ELL2: variants seen among roughly 807,000 people sequenced by gnomAD.
The protein encoded by ELL2 is elongation factor for RNA polymerase II 2.
A neutral mutation model predicts 72.8 loss-of-function variants in ELL2; 21 were observed. The ratio of observed to expected loss-of-function variants is 0.29; its 90% CI spans 0.20 to 0.42. The LOEUF (loss-of-function observed/expected upper bound fraction) is 0.42, where lower values mean the gene tolerates loss of function less well. ELL2 is among the 10% of genes least tolerant of loss of function. The probability of loss-of-function intolerance (pLI) is 1.00; values close to 1 mark genes in which losing one functional copy is unlikely to be tolerated. For missense variants in ELL2, 568 were observed against 772.8 expected (o/e 0.73, Z 3.14); for synonymous variants, 266 against 283.2 (o/e 0.94, Z 0.61).
At chr5:95,956,761 G>C (rs1751642316) in intron 1 of ELL2, among the ~76,000 whole-genome samples, 1 of 152,028 alleles carries the variant, frequency 6.6e-6, no homozygotes, top group East Asian at 1.9e-4. Flanking sequence ...TTTAACAAAA[G>C]GTCAAGTAAC....
intron 1 of ELL2, among the ~76,000 whole-genome samples, chr5:95,948,346 C>T (rs1455095959): frequency 7.0e-6 from 1 of 142,492 alleles, no homozygotes; most frequent in Non-Finnish European, 1.5e-5. Context: ...AGGAGAATGG[C>T]GTGAACCCGG....
rs3777204 is a variant in ELL2 at position 95,898,646 on chromosome 5, A to G, written c.1119T>C (p.Pro373=). The G allele has an allele frequency of 0.3, 488,567 of 1,610,914 alleles. 79,040 individuals are homozygous for G. The highest frequency in any genetic ancestry group is 0.58 in the African/African-American group (43,645 of 74,736). The change falls in exon 8 of 12, where the codon CCT becomes CCC. Residue 373 remains proline, a synonymous_variant. Coordinates refer to ENST00000237853, the MANE Select transcript of ELL2 (RefSeq NM_012081.6). ...LPLPPAAAAI[P]TPPPLPSTYL... ...AGGTTGAAGGCAGCGGTGGAGGGGT[A>G]GGGATGGCAGCAGCCGCAGGGGGCA...
Position 95,889,073 on chromosome 5 carries a change from T to A in ELL2, c.1806+13A>T. The A allele has an allele frequency of 6.2e-7, 1 of 1,608,864 alleles. No individual in the cohort carries two copies. Among genetic ancestry groups the A allele is most frequent in the Non-Finnish European group, 8.5e-7 (1 of 1,177,894 alleles). On this transcript the variant is annotated intron_variant, in intron 11 of 11. Coordinates refer to ENST00000237853, the MANE Select transcript of ELL2 (RefSeq NM_012081.6). ...CAACCACAGGTCAGAAAATCAACAG[T>A]GATGATACCTACCTGCTTTATCTTC...
At chr5:95,896,643 C>T (rs1748888658) in intron 8 of ELL2, among the ~76,000 whole-genome samples, 1 of 152,150 alleles carries the variant, frequency 6.6e-6, no homozygotes, top group Admixed American at 6.5e-5. Context: ...AAGAGAAAGG[C>T]ATCAAGTGCA....
intron 2 of ELL2, among the ~76,000 whole-genome samples, chr5:95,934,164 A>G (rs960946018): frequency 6.6e-6 from 1 of 152,238 alleles, no homozygotes; most frequent in Non-Finnish European, 1.5e-5. Context: ...TGATTAGTAG[A>G]GTATTACTAC....
intron 7 of ELL2, among the ~76,000 whole-genome samples, chr5:95,900,044 G>C (rs1057963): frequency 0.34 from 51,618 of 151,758 alleles, 9,802 homozygotes; most frequent in African/African-American, 0.52. Context: ...GTGGGGAGGT[G>C]CGTCCCACTG....
chr5:95,889,233 G>T, intron 10 of ELL2, 103 bp from the exon 11 acceptor site: 1 of 921,122 alleles, frequency 1.1e-6, no homozygotes, highest in Non-Finnish European at 1.6e-6. Flanking sequence ...AATATTGACT[G>T]TGGGAATGTA....
At position 95,886,550 on chromosome 5, in the gene ELL2, T is replaced by C. The variant is rs920446947; in HGVS notation, c.*2321A>G. ...GCTAACCATTCACCAACTGGAAGGCTTGTTTGTAAACAGGTTCTGAAACAA... is the reference window on the plus strand; with the variant it reads ...GCTAACCATTCACCAACTGGAAGGCCTGTTTGTAAACAGGTTCTGAAACAA... On this transcript the variant is annotated 3_prime_UTR_variant, in exon 12 of 12. Coordinates refer to ENST00000237853, the MANE Select transcript of ELL2 (RefSeq NM_012081.6). 7.2e-5 allele frequency: 11 copies of C among 152,100 alleles called. No homozygotes were observed. The highest frequency in any genetic ancestry group is 2.7e-4 in the African/African-American group (11 of 41,410). 9.4% of individuals were successfully genotyped at this position (152,100 alleles called of 1,614,324 possible). A position where few individuals can be genotyped will look rare whatever the true frequency, so the allele number is the denominator to read the frequency against.
chr5:95,888,777 CAA>C lies in ELL2; in HGVS notation c.*92_*93del. The C allele has an allele frequency of 1.1e-6, 1 of 869,878 alleles. No individual in the cohort carries two copies. The highest frequency in any genetic ancestry group is 2.8e-5 in the East Asian group (1 of 35,630). The allele number at this position is 869,878 out of a possible 1,614,324, so 53.9% of individuals were successfully genotyped here. ...TACTAATACTGAAACTTTCAACAGC[CAA>C]AGTTTCACCTTTTTAGAATCTAGAG... On this transcript the variant is annotated 3_prime_UTR_variant, in exon 12 of 12. Transcript: ENST00000237853.
chr5:95,890,865 T>C (rs1052247138), intron 10 of ELL2: 5 of 512,474 alleles, frequency 9.8e-6, no homozygotes, highest in Middle Eastern at 1.1e-3. Context: ...GGTATTTTTC[T>C]CAATATGTGA....
At position 95,885,596 on chromosome 5, in the gene ELL2, T is replaced by C. The variant is rs935981394; in HGVS notation, c.*3275A>G. On this transcript the variant is annotated 3_prime_UTR_variant, in exon 12 of 12. Transcript: ENST00000237853. ...GCAAAGAATGCACTAATGAAAAGGG[T>C]AAGGCATCCAAGCAGAGTGTCTGAA... 6.6e-6 allele frequency: 1 copy of C among 152,174 alleles called. No homozygotes were observed. Among genetic ancestry groups the C allele is most frequent in the Admixed American group, 6.5e-5 (1 of 15,288 alleles). The allele number at this position is 152,174 out of a possible 1,614,324, so 9.4% of individuals were successfully genotyped here. A position where few individuals can be genotyped will look rare whatever the true frequency, so the allele number is the denominator to read the frequency against.
At chr5:95,917,577 G>A (rs893850303) in intron 3 of ELL2, among the ~76,000 whole-genome samples, 7 of 152,150 alleles carry the variant, frequency 4.6e-5, no homozygotes, top group Non-Finnish European at 1.5e-5. Context: ...GAAAGCCTGA[G>A]AACAAAAGCT....
At chr5:95,947,832 AG>A (rs948763011) in intron 1 of ELL2, among the ~76,000 whole-genome samples, 39 of 152,136 alleles carry the variant, frequency 2.6e-4, no homozygotes, top group African/African-American at 8.4e-4. Flanking sequence ...AAAAAACTAA[AG>A]TATAATTTAG....
At chr5:95,900,555 C>T (rs1471973199) in intron 7 of ELL2, 138 bp downstream of exon 7, 6 of 564,380 alleles carry the variant, frequency 1.1e-5, no homozygotes, top group Non-Finnish European at 1.8e-5. Flanking sequence ...AGGCTAAGCT[C>T]AGCCATAACC....
chr5:95,938,941 T>C lies in ELL2; in HGVS notation c.195+4061A>G, dbSNP rs139623286. On this transcript the variant is annotated intron_variant, in intron 2 of 11. Coordinates refer to ENST00000237853, the MANE Select transcript of ELL2 (RefSeq NM_012081.6). Reference sequence around the variant, plus strand: ...CCCTGGGGAAATTACTCCCTGGACATGAGTCCCTGAGGCCTGAGGCAAGTC... The same window carrying C: ...CCCTGGGGAAATTACTCCCTGGACACGAGTCCCTGAGGCCTGAGGCAAGTC... Among the ~76,000 whole-genome samples the C allele has an allele frequency of 8.5e-3, 1,298 of 152,288 alleles. 17 individuals are homozygous for C. Among genetic ancestry groups the C allele is most frequent in the African/African-American group, 0.03 (1,252 of 41,556 alleles).
intron 2 of ELL2, among the ~76,000 whole-genome samples, chr5:95,928,626 G>A (rs1300218095): frequency 2.0e-5 from 3 of 152,008 alleles, no homozygotes; most frequent in Non-Finnish European, 2.9e-5. Context: ...TTTTCCTTCC[G>A]AAACATTTCT....
chr5:95,931,152 C>A (rs1255383614), intron 2 of ELL2, among the ~76,000 whole-genome samples: 1 of 151,700 alleles, frequency 6.6e-6, no homozygotes, highest in African/African-American at 2.4e-5. Context: ...GGGTCTGGAG[C>A]AAACTACCCA....
chr5:95,892,375 G>C (rs900442971), intron 9 of ELL2, among the ~76,000 whole-genome samples: 15 of 152,228 alleles, frequency 9.9e-5, no homozygotes, highest in African/African-American at 3.6e-4. Context: ...TCGAACCCCT[G>C]GCCCCAAGTG....
intron 1 of ELL2, among the ~76,000 whole-genome samples, chr5:95,954,026 A>G (rs1312794781): frequency 6.6e-6 from 1 of 152,232 alleles, no homozygotes. Flanking sequence ...GCCCTGCTCA[A>G]AACCAAATTT....
Sources: allele counts gnomAD v4.1 joint callset (sites outside exome capture counted in the v4.1 genomes callset), GRCh38; gene constraint gnomAD v4.1.1; transcripts MANE v1.5; gene names NCBI Gene and HGNC (gene_info 2026-07-23, HGNC 2026-07-21).